MYO1H: variants seen among roughly 807,000 people sequenced by gnomAD.
MYO1H encodes the protein unconventional myosin-Ih.
Under a neutral mutation model 149.3 loss-of-function variants are expected in MYO1H, and 118 were observed. That is an observed-to-expected ratio of 0.79 (90% CI 0.68 to 0.92). The LOEUF (loss-of-function observed/expected upper bound fraction) is 0.92. MYO1H is among the 40% of genes least tolerant of loss of function. MYO1H has a pLI of 0.00. For synonymous variants in MYO1H, 447 were observed against 465.2 expected (o/e 0.96, Z 0.50); for missense variants, 1,212 against 1,280.7 (o/e 0.95, Z 0.82).
exon 28 of MYO1H, chr12:109,443,601 G>A (rs775631343): frequency 6.2e-7 from 1 of 1,613,794 alleles, no homozygotes; most frequent in South Asian, 1.1e-5. Context: ...AGCTTACGTG[G>A]TGGAACTTGC....
At chr12:109,341,779 T>C in the MYO1H span, among the ~76,000 whole-genome samples, 1 of 152,140 alleles carries the variant, frequency 6.6e-6, no homozygotes, top group African/African-American at 2.4e-5. Context: ...CTTGGGCTGA[T>C]TGTTCTAAGG....
exon 32 of MYO1H, chr12:109,448,067 CAA>C (rs1872563985): frequency 6.6e-6 from 1 of 152,096 alleles, no homozygotes; most frequent in Admixed American, 6.5e-5. Context: ...ACCGATTCAC[CAA>C]AACTTAGGTA....
chr12:109,440,374 C>A (rs554327632), intron 24 of MYO1H, among the ~76,000 whole-genome samples: 1 of 152,084 alleles, frequency 6.6e-6, no homozygotes, highest in African/African-American at 2.4e-5. Context: ...CCTGACGTAG[C>A]CTTCCTAGAA....
intron 1 of MYO1H, among the ~76,000 whole-genome samples, chr12:109,361,813 C>CA (rs35915417): frequency 0.038 from 2,187 of 56,816 alleles, 206 homozygotes; most frequent in African/African-American, 0.071. Flanking sequence ...CCTTGTCTCA[C>CA]AAAAAAAAAA....
intron 1 of MYO1H, among the ~76,000 whole-genome samples, chr12:109,379,925 G>T (rs924674384): frequency 2.6e-5 from 4 of 151,872 alleles, no homozygotes; most frequent in Non-Finnish European, 4.4e-5. Flanking sequence ...TACAGATGGA[G>T]TTTCACCATG....
intron 1 of MYO1H, among the ~76,000 whole-genome samples, chr12:109,351,810 G>A (rs1008598759): frequency 1.3e-5 from 2 of 152,184 alleles, no homozygotes; most frequent in African/African-American, 2.4e-5. Context: ...GTTTCTAATA[G>A]TAGTTTTTGC....
intron 13 of MYO1H, among the ~76,000 whole-genome samples, 177 bp from the exon 14 acceptor site, chr12:109,411,717 A>G (rs1870681693): frequency 6.7e-6 from 1 of 149,240 alleles, no homozygotes; most frequent in Non-Finnish European, 1.5e-5. Context: ...CCCTTATCAA[A>G]TCTTAGAAGC....
At chr12:109,403,126 C>G (rs567771458) in intron 6 of MYO1H, among the ~76,000 whole-genome samples, 2 of 152,312 alleles carry the variant, frequency 1.3e-5, no homozygotes, top group East Asian at 3.9e-4. Flanking sequence ...TAAACCCATC[C>G]CTTCAGGGAC....
At chr12:109,361,231 TAATA>T (rs1218443350) in intron 1 of MYO1H, among the ~76,000 whole-genome samples, 1 of 152,186 alleles carries the variant, frequency 6.6e-6, no homozygotes, top group African/African-American at 2.4e-5. Context: ...ATGTGCAACT[TAATA>T]AATTATAAAG....
exon 32 of MYO1H, chr12:109,448,113 G>A (rs1000360112): frequency 1.3e-5 from 2 of 151,262 alleles, no homozygotes; most frequent in African/African-American, 2.4e-5. Flanking sequence ...TTAAATATAC[G>A]TGTAGCTCAT....
intron 1 of MYO1H, among the ~76,000 whole-genome samples, chr12:109,385,463 T>C (rs1306191703): frequency 6.6e-6 from 1 of 152,146 alleles, no homozygotes; most frequent in Non-Finnish European, 1.5e-5. Flanking sequence ...CAGCTAGTTT[T>C]CATATTTTTA....
chr12:109,358,728 G>A (rs1868664302), intron 1 of MYO1H, among the ~76,000 whole-genome samples: 2 of 150,996 alleles, frequency 1.3e-5, no homozygotes, highest in Admixed American at 6.7e-5. Context: ...GCGATACCAT[G>A]AGCGTTTTAG....
chr12:109,387,027 T>TGA (rs1869359105), intron 1 of MYO1H, among the ~76,000 whole-genome samples: 1 of 125,462 alleles, frequency 8.0e-6, no homozygotes, highest in South Asian at 2.3e-4. Context: ...TGTGTGTGTG[T>TGA]GTGTGTGTGT....
chr12:109,330,500 A>C, the MYO1H span, among the ~76,000 whole-genome samples: 2 of 152,200 alleles, frequency 1.3e-5, no homozygotes, highest in East Asian at 3.8e-4. Flanking sequence ...TTCCTCATTT[A>C]ATAACTGGAT....
intron 1 of MYO1H, among the ~76,000 whole-genome samples, chr12:109,368,640 TAAAA>T (rs56146617): frequency 5.2e-4 from 59 of 113,192 alleles, no homozygotes; most frequent in African/African-American, 1.7e-3. Flanking sequence ...GACTCCATCT[TAAAA>T]AAAAAAAAAA....
chr12:109,345,633 A>G (rs1268514387), upstream of MYO1H, among the ~76,000 whole-genome samples: 1 of 152,220 alleles, frequency 6.6e-6, no homozygotes, highest in Non-Finnish European at 1.5e-5. Flanking sequence ...AAATGAAAAC[A>G]AGTCCACACA....
chr12:109,384,193 C>T (rs534595466), intron 1 of MYO1H, among the ~76,000 whole-genome samples: 4 of 152,292 alleles, frequency 2.6e-5, no homozygotes, highest in Non-Finnish European at 4.4e-5. Flanking sequence ...GAGTCTAACC[C>T]AGTCCCCATC....
chr12:109,434,417 C>T (rs1429240743), intron 20 of MYO1H, among the ~76,000 whole-genome samples: 1 of 152,128 alleles, frequency 6.6e-6, no homozygotes, highest in African/African-American at 2.4e-5. Flanking sequence ...TCATTTGAAC[C>T]TGGGAGATGG....
At chr12:109,319,043 A>C in the MYO1H span, among the ~76,000 whole-genome samples, 1 of 133,864 alleles carries the variant, frequency 7.5e-6, no homozygotes, top group Non-Finnish European at 1.6e-5. Context: ...AAGTGTATTT[A>C]ATCAAGAAAA....
Sources: allele counts gnomAD v4.1 joint callset (sites outside exome capture counted in the v4.1 genomes callset), GRCh38; gene constraint gnomAD v4.1.1; transcripts MANE v1.5; gene names NCBI Gene and HGNC (gene_info 2026-07-23, HGNC 2026-07-21).